Variants in LTBP1 observed in about 807,000 individuals in gnomAD.
The protein encoded by LTBP1 is latent transforming growth factor beta binding protein 1, also known as latent-transforming growth factor beta-binding protein 1.
LTBP1 carries 129 observed loss-of-function variants against 207.6 expected under a neutral mutation model. The observed-to-expected ratio is 0.62, with a 90% CI of 0.54 to 0.72. The LOEUF is 0.72. LTBP1 is among the 30% of genes least tolerant of loss of function. The probability of loss-of-function intolerance (pLI) is 0.00; values close to 1 mark genes in which losing one functional copy is unlikely to be tolerated. For missense variants in LTBP1, 2,281 were observed against 2,217.2 expected (o/e 1.03, Z -0.58); for synonymous variants, 963 against 833.7 (o/e 1.16, Z -2.67).
intron 13 of LTBP1, among the ~76,000 whole-genome samples, chr2:33,261,018 G>A (rs945762460): frequency 1.3e-5 from 2 of 152,170 alleles, no homozygotes; most frequent in African/African-American, 4.8e-5. Flanking sequence ...TTATGTGATG[G>A]ATGAAGAAAA....
chr2:33,129,537 T>A (rs1291426876), intron 4 of LTBP1, among the ~76,000 whole-genome samples: 1 of 152,226 alleles, frequency 6.6e-6, no homozygotes, highest in African/African-American at 2.4e-5. Context: ...TGTTGTGAAA[T>A]TTTAGTAGCA....
chr2:33,325,702 A>G (rs11903480), intron 24 of LTBP1, among the ~76,000 whole-genome samples: 28,960 of 152,218 alleles, frequency 0.19, 3,474 homozygotes, highest in Non-Finnish European at 0.25. Flanking sequence ...AGAAATTTAC[A>G]AATGAAGTTA....
chr2:33,183,295 C>T (rs1408804345), intron 5 of LTBP1, among the ~76,000 whole-genome samples: 1 of 152,152 alleles, frequency 6.6e-6, no homozygotes, highest in Non-Finnish European at 1.5e-5. Context: ...CGATTATCCA[C>T]TTTTGTAAAA....
intron 5 of LTBP1, among the ~76,000 whole-genome samples, chr2:33,165,554 A>G (rs1470604805): frequency 1.3e-5 from 2 of 152,232 alleles, no homozygotes; most frequent in African/African-American, 2.4e-5. Context: ...GAATTGCTCA[A>G]GGTTATTTAG....
intron 15 of LTBP1, among the ~76,000 whole-genome samples, chr2:33,267,064 C>T (rs534802960): frequency 6.6e-6 from 1 of 152,368 alleles, no homozygotes; most frequent in Admixed American, 6.5e-5. Context: ...ACTGTGTCCG[C>T]CATCTCCAGA....
chr2:33,394,624 G>A (rs148654069), intron 32 of LTBP1, among the ~76,000 whole-genome samples: 8,856 of 152,118 alleles, frequency 0.058, 858 homozygotes, highest in African/African-American at 0.2. Flanking sequence ...TAGATGTGTG[G>A]TATTATTTCT....
At chr2:33,085,991 G>A (rs549943380) in intron 3 of LTBP1, among the ~76,000 whole-genome samples, 11 of 152,330 alleles carry the variant, frequency 7.2e-5, no homozygotes, top group South Asian at 2.1e-4. Flanking sequence ...CCATCTTGGC[G>A]TAATGGGATC....
intron 7 of LTBP1, among the ~76,000 whole-genome samples, chr2:33,198,163 T>C (rs2088789512): frequency 6.6e-6 from 1 of 152,212 alleles, no homozygotes; most frequent in African/African-American, 2.4e-5. Context: ...AATCAGGTGG[T>C]TTTTGTCTTT....
chr2:33,227,033 C>CT (rs367902568), intron 9 of LTBP1, among the ~76,000 whole-genome samples: 65 of 146,184 alleles, frequency 4.4e-4, no homozygotes, highest in South Asian at 8.7e-4. Flanking sequence ...ATCATTTTAC[C>CT]TTTTTTTTTT....
Position 33,252,711 on chromosome 2 carries a change from C to T in LTBP1, c.2034C>T (p.Pro678=), listed in dbSNP as rs370117511. The T allele has an allele frequency of 6.8e-6, 11 of 1,613,188 alleles. No individual in the cohort carries two copies. Among genetic ancestry groups the T allele is most frequent in the Middle Eastern group, 1.6e-4 (1 of 6,082 alleles). Residue 678 remains proline, a synonymous_variant, in exon 11 of 34, where the codon CCC becomes CCT. Coordinates refer to ENST00000404816, the MANE Select transcript of LTBP1 (RefSeq NM_206943.4). ...DPPVISEEKG[P]CYRLVSSGRQ... ...CTGTGATCTCGGAAGAGAAAGGGCCCTGTTACCGACTTGTCAGTTCTGGAA... is the reference window on the plus strand; with the variant it reads ...CTGTGATCTCGGAAGAGAAAGGGCCTTGTTACCGACTTGTCAGTTCTGGAA...
intron 3 of LTBP1, among the ~76,000 whole-genome samples, chr2:33,089,743 C>A (rs77301263): frequency 0.014 from 2,067 of 152,266 alleles, 32 homozygotes; most frequent in African/African-American, 0.045. Context: ...TGGTTCCTGA[C>A]GTAAATTACT....
At chr2:33,048,712 CAG>C (rs1257244258) in intron 3 of LTBP1, among the ~76,000 whole-genome samples, 1 of 152,120 alleles carries the variant, frequency 6.6e-6, no homozygotes, top group East Asian at 1.9e-4. Context: ...GCTCCGTTGA[CAG>C]GGGCTGACTC....
At chr2:33,056,839 T>G (rs906344689) in intron 3 of LTBP1, among the ~76,000 whole-genome samples, 1 of 152,112 alleles carries the variant, frequency 6.6e-6, no homozygotes, top group Non-Finnish European at 1.5e-5. Context: ...GGGTTGCCAC[T>G]GCTGGCTCAG....
intron 2 of LTBP1, among the ~76,000 whole-genome samples, chr2:32,970,387 T>C (rs1373468256): frequency 6.6e-6 from 1 of 152,240 alleles, no homozygotes; most frequent in African/African-American, 2.4e-5. Flanking sequence ...TTTATAGTTT[T>C]AGGTTTTATG....
rs548533271 is a variant in LTBP1, at chr2:33,282,518, A to G, written c.3112+2360A>G. Among the ~76,000 whole-genome samples, 34 of 152,344 alleles carry G rather than the reference A, an allele frequency of 2.2e-4. 1 individual carries two copies. In the South Asian group the frequency reaches 7.0e-3, roughly 32 times the overall value. ...TGTGACAAAAAGCAGATATTGCAGC[A>G]TGCCTTTCTACTTACATTGAACCAA... On this transcript the variant is annotated intron_variant, in intron 19 of 33. Transcript: ENST00000404816.
At chr2:33,063,367 C>T (rs1286210935) in intron 3 of LTBP1, among the ~76,000 whole-genome samples, 2 of 152,102 alleles carry the variant, frequency 1.3e-5, no homozygotes, top group Non-Finnish European at 2.9e-5. Flanking sequence ...CCAGAGAATA[C>T]ATAATGTGTG....
chr2:33,284,896 C>T (rs576646656), intron 19 of LTBP1, among the ~76,000 whole-genome samples: 1 of 152,246 alleles, frequency 6.6e-6, no homozygotes, highest in Non-Finnish European at 1.5e-5. Flanking sequence ...ACCTAGTAGG[C>T]ATCTGACATA....
At chr2:33,047,795 C>T (rs1558560610) in intron 3 of LTBP1, among the ~76,000 whole-genome samples, 1 of 152,122 alleles carries the variant, frequency 6.6e-6, no homozygotes, top group East Asian at 1.9e-4. Context: ...AATCTGGGTG[C>T]TCCTGTATTG....
intron 24 of LTBP1, among the ~76,000 whole-genome samples, chr2:33,322,986 G>C (rs560063685): frequency 6.6e-6 from 1 of 152,252 alleles, no homozygotes; most frequent in South Asian, 2.1e-4. Flanking sequence ...AGGCCAGTGA[G>C]ATCGGGATTG....
Sources: allele counts gnomAD v4.1 joint callset (sites outside exome capture counted in the v4.1 genomes callset), GRCh38; gene constraint gnomAD v4.1.1; transcripts MANE v1.5; gene names NCBI Gene and HGNC (gene_info 2026-07-23, HGNC 2026-07-21).